The following NAALADL2 variants were observed in gnomAD, a reference collection of about 807,000 sequenced individuals.
NAALADL2 encodes N-acetylated alpha-linked acidic dipeptidase like 2.
NAALADL2 carries 76 observed loss-of-function variants against 87.2 expected under a neutral mutation model. The observed-to-expected ratio is 0.87, with a 90% confidence interval of 0.72 to 1.05. The LOEUF (loss-of-function observed/expected upper bound fraction) is 1.05, where lower values mean the gene tolerates loss of function less well. Ranked by LOEUF, NAALADL2 falls within the 50% of genes least tolerant of loss-of-function variation. The probability of loss-of-function intolerance (pLI) is 0.00; values close to 1 mark genes in which losing one functional copy is unlikely to be tolerated. For synonymous variants in NAALADL2, 354 were observed against 331.0 expected, an observed-to-expected ratio of 1.07 and a Z score of -0.75; for missense variants, 1,089 against 945.8, an observed-to-expected ratio of 1.15 and a Z score of -1.99.
intron 3 of NAALADL2, among the ~76,000 whole-genome samples, chr3:174,828,167 C>CAACACAACACA (rs1553866755): frequency 0.013 from 2,006 of 151,672 alleles, 49 homozygotes; most frequent in African/African-American, 0.046. Context: ...AAACCAACCA[C>CAACACAACACA]ACACAACACA....
intron 3 of NAALADL2, among the ~76,000 whole-genome samples, chr3:174,768,910 T>G (rs1714187403): frequency 6.6e-6 from 1 of 152,042 alleles, no homozygotes; most frequent in Non-Finnish European, 1.5e-5. Flanking sequence ...AATTTAATGC[T>G]ATTATACATT....
At chr3:174,793,718 A>C (rs1560230996) in intron 3 of NAALADL2, among the ~76,000 whole-genome samples, 2 of 151,998 alleles carry the variant, frequency 1.3e-5, no homozygotes, top group Non-Finnish European at 2.9e-5. Flanking sequence ...TCCCGTGGCT[A>C]TCTCTCTCAT....
chr3:174,894,964 T>A (rs967001093), intron 1 of NAALADL2, among the ~76,000 whole-genome samples: 2 of 151,984 alleles, frequency 1.3e-5, no homozygotes, highest in Non-Finnish European at 2.9e-5. Context: ...AGGAAAGTGA[T>A]AAATATCTTG....
At chr3:175,119,855 TGTAA>T (rs754092159) in intron 2 of NAALADL2, among the ~76,000 whole-genome samples, 1 of 141,994 alleles carries the variant, frequency 7.0e-6, no homozygotes, top group Non-Finnish European at 1.5e-5. Context: ...ATATAGCTTA[TGTAA>T]GTGTGTATGT....
chr3:174,868,170 G>A (rs1282835921), intron 1 of NAALADL2, among the ~76,000 whole-genome samples: 1 of 152,064 alleles, frequency 6.6e-6, no homozygotes, highest in African/African-American at 2.4e-5. Context: ...TTTGGAAGAA[G>A]GAGAAATGTA....
At chr3:174,622,968 A>G (rs955236330) in intron 2 of NAALADL2, among the ~76,000 whole-genome samples, 2 of 152,142 alleles carry the variant, frequency 1.3e-5, no homozygotes, top group African/African-American at 2.4e-5. Context: ...GCGTGAACCC[A>G]GGAGGCGGAG....
In NAALADL2 at chr3:175,021,361, G is replaced by A. The variant is rs180773156; in HGVS notation, c.44-75429G>A. ...GTATACATGGTCAATAAATATTTGAGTAAAGAAATATTTTATAAACCAACA... is the reference window on the plus strand; with the variant it reads ...GTATACATGGTCAATAAATATTTGAATAAAGAAATATTTTATAAACCAACA... On this transcript the variant is annotated intron_variant, in intron 1 of 13. Transcript: ENST00000454872. Among the ~76,000 whole-genome samples the A allele has an allele frequency of 1.2e-3, 178 of 152,112 alleles. 1 individual carries two copies. Among genetic ancestry groups the A allele is most frequent in the South Asian group, 8.7e-3 (42 of 4,824 alleles).
intron 1 of NAALADL2, among the ~76,000 whole-genome samples, chr3:175,010,857 TAA>T (rs1048175533): frequency 1.5e-4 from 23 of 152,266 alleles, no homozygotes; most frequent in Middle Eastern, 3.4e-3. Context: ...TTCATAGCTG[TAA>T]CATTCTACTA....
intron 2 of NAALADL2, among the ~76,000 whole-genome samples, chr3:174,612,954 G>T (rs1720078797): frequency 6.6e-6 from 1 of 152,166 alleles, no homozygotes; most frequent in South Asian, 2.1e-4. Flanking sequence ...TTTCCATACA[G>T]TTGAAAGGAC....
Position 175,233,894 on chromosome 3 carries a change from C to A in NAALADL2, c.546-37C>A, listed in dbSNP as rs1424651629. ...ATATCTCAAAAGAATAAAGTATTCTCCTTTTTAAAAAAGTTTTCTTTTCAA... is the reference window on the plus strand; with the variant it reads ...ATATCTCAAAAGAATAAAGTATTCTACTTTTTAAAAAAGTTTTCTTTTCAA... On this transcript the variant is annotated intron_variant, in intron 2 of 13. Transcript: ENST00000454872. The A allele has an allele frequency of 9.0e-6, 11 of 1,217,102 alleles. 1 individual carries two copies. In the South Asian group the frequency reaches 1.5e-4, roughly 17 times the overall value. The allele number at this position is 1,217,102 out of a possible 1,614,324, so 75.4% of individuals were successfully genotyped here. A position where few individuals can be genotyped will look rare whatever the true frequency, so the allele number is the denominator to read the frequency against.
intron 2 of NAALADL2, among the ~76,000 whole-genome samples, chr3:175,232,236 G>GAAA (rs1560200634): frequency 1.1e-5 from 1 of 87,676 alleles, no homozygotes; most frequent in African/African-American, 3.9e-5. Context: ...AAGAGGAAGA[G>GAAA]GAAGAAGAAA....
intron 9 of NAALADL2, among the ~76,000 whole-genome samples, chr3:175,514,225 CT>C (rs1282788749): frequency 1.3e-5 from 2 of 152,110 alleles, no homozygotes; most frequent in Admixed American, 1.3e-4. Context: ...TTCTCTCATA[CT>C]TTTCTTAGTG....
intron 3 of NAALADL2, among the ~76,000 whole-genome samples, chr3:174,764,759 G>C (rs1258024522): frequency 6.6e-6 from 1 of 152,172 alleles, no homozygotes; most frequent in Admixed American, 6.6e-5. Context: ...TAATTTTTGG[G>C]TTAGATGAGA....
chr3:174,584,605 C>A (rs1275972465), intron 2 of NAALADL2, among the ~76,000 whole-genome samples: 2 of 151,908 alleles, frequency 1.3e-5, no homozygotes, highest in Non-Finnish European at 2.9e-5. Flanking sequence ...GTCAGATTCC[C>A]TAGGTCTAAC....
intron 4 of NAALADL2, among the ~76,000 whole-genome samples, chr3:175,259,431 TCAGA>T (rs1236041999): frequency 3.9e-5 from 6 of 152,152 alleles, no homozygotes; most frequent in African/African-American, 1.4e-4. Context: ...TTAACAATAG[TCAGA>T]GGAATAGTGG....
At chr3:174,996,439 G>A (rs1747472617) in intron 1 of NAALADL2, among the ~76,000 whole-genome samples, 1 of 151,644 alleles carries the variant, frequency 6.6e-6, no homozygotes, top group South Asian at 2.1e-4. Flanking sequence ...TGAGCTTGCA[G>A]TGAGCCGAGA....
At chr3:175,226,618 A>G (rs1489502846) in intron 2 of NAALADL2, among the ~76,000 whole-genome samples, 1 of 152,106 alleles carries the variant, frequency 6.6e-6, no homozygotes, top group Non-Finnish European at 1.5e-5. Flanking sequence ...AGTGGCAACC[A>G]TAGTAGTTAT....
At chr3:174,803,100 G>T (rs1719032685) in intron 3 of NAALADL2, among the ~76,000 whole-genome samples, 1 of 152,142 alleles carries the variant, frequency 6.6e-6, no homozygotes, top group Admixed American at 6.5e-5. Flanking sequence ...CACCAACAGT[G>T]TAAAAGCATT....
intron 1 of NAALADL2, among the ~76,000 whole-genome samples, chr3:174,519,543 C>T (rs919334530): frequency 6.6e-6 from 1 of 151,896 alleles, no homozygotes; most frequent in African/African-American, 2.4e-5. Context: ...CTTGGTCAGT[C>T]TGGTCTCGAA....
Sources: allele counts gnomAD v4.1 joint callset (sites outside exome capture counted in the v4.1 genomes callset), GRCh38; gene constraint gnomAD v4.1.1; transcripts MANE v1.5; gene names NCBI Gene and HGNC (gene_info 2026-07-23, HGNC 2026-07-21).